The following TMEM135 variants were observed in gnomAD, a reference collection of about 807,000 sequenced individuals.
The protein encoded by TMEM135 is peroxisomal membrane protein 52.
Under a neutral mutation model 60.3 loss-of-function variants are expected in TMEM135, and 30 were observed. That is an observed-to-expected ratio of 0.50 (90% CI 0.37 to 0.68). TMEM135 has a LOEUF of 0.68. TMEM135 is among the 30% of genes least tolerant of loss of function. The pLI, the probability that TMEM135 is intolerant of heterozygous loss-of-function variation, is 0.00. For missense variants in TMEM135, 468 were observed against 548.8 expected, an observed-to-expected ratio of 0.85 and a Z score of 1.47; for synonymous variants, 190 against 186.7, an observed-to-expected ratio of 1.02 and a Z score of -0.14.
At chr11:87,055,517 TC>T (rs1949885423) in intron 1 of TMEM135, among the ~76,000 whole-genome samples, 1 of 152,238 alleles carries the variant, frequency 6.6e-6, no homozygotes, top group Admixed American at 6.5e-5. Flanking sequence ...TTGAATAACT[TC>T]TATTTGTCTT....
At chr11:87,203,912 G>A (rs1201980617) in intron 5 of TMEM135, among the ~76,000 whole-genome samples, 1 of 152,098 alleles carries the variant, frequency 6.6e-6, no homozygotes, top group Non-Finnish European at 1.5e-5. Flanking sequence ...TAATAAGTGT[G>A]TATTGGTATC....
chr11:87,128,862 TTGAA>T (rs1188001345), intron 4 of TMEM135, among the ~76,000 whole-genome samples: 1 of 151,602 alleles, frequency 6.6e-6, no homozygotes, highest in Admixed American at 6.6e-5. Context: ...CCCTTAGTAG[TTGAA>T]TGAATAAGTA....
chr11:87,176,818 T>C (rs979763672), intron 5 of TMEM135, among the ~76,000 whole-genome samples: 9 of 152,086 alleles, frequency 5.9e-5, no homozygotes, highest in African/African-American at 2.2e-4. Flanking sequence ...ATTTTACACA[T>C]GTATACCTCT....
intron 5 of TMEM135, among the ~76,000 whole-genome samples, chr11:87,185,302 G>C (rs1939622248): frequency 6.6e-6 from 1 of 152,214 alleles, no homozygotes; most frequent in South Asian, 2.1e-4. Flanking sequence ...ATATGTTCCA[G>C]TTAGTTAAGA....
At chr11:87,148,915 CT>C (rs1938482279) in intron 4 of TMEM135, among the ~76,000 whole-genome samples, 1 of 152,002 alleles carries the variant, frequency 6.6e-6, no homozygotes, top group African/African-American at 2.4e-5. Context: ...TGTTATAAAT[CT>C]TTCAATGAAT....
chr11:87,044,212 T>C (rs1330971890), intron 1 of TMEM135, among the ~76,000 whole-genome samples: 1 of 152,050 alleles, frequency 6.6e-6, no homozygotes, highest in Non-Finnish European at 1.5e-5. Flanking sequence ...AGTTGAAATT[T>C]CTAGGAATAA....
intron 4 of TMEM135, among the ~76,000 whole-genome samples, chr11:87,134,352 C>A (rs1938027120): frequency 6.6e-6 from 1 of 152,170 alleles, no homozygotes; most frequent in Non-Finnish European, 1.5e-5. Flanking sequence ...GATCATATCT[C>A]CAAATACAGT....
chr11:87,292,704 A>G (rs1239069617), intron 6 of TMEM135, among the ~76,000 whole-genome samples: 2 of 152,204 alleles, frequency 1.3e-5, no homozygotes, highest in African/African-American at 4.8e-5. Flanking sequence ...TAGACATCTG[A>G]CCCTCAATTA....
chr11:87,293,866 G>A (rs999259565), intron 6 of TMEM135, among the ~76,000 whole-genome samples: 3 of 152,124 alleles, frequency 2.0e-5, no homozygotes, highest in Non-Finnish European at 2.9e-5. Context: ...TATTCCTTTG[G>A]GTATATACCC....
At position 87,324,060 on chromosome 11, in the gene TMEM135, G is replaced by A. The variant is rs1308425861; in HGVS notation, c.*2727G>A. ...TAGACTGAACATGTATGTTTTTGAT[G>A]GAATCCAAACTGAGCAAATGTCACA... is the stretch of plus-strand genomic sequence containing the variant. On this transcript the variant is annotated 3_prime_UTR_variant, in exon 15 of 15. Transcript: ENST00000305494. 2.9e-5 allele frequency: 13 copies of A among 453,736 alleles called. No individual in the cohort carries two copies. The highest frequency in any genetic ancestry group is 2.4e-4 in the Admixed American group (10 of 42,516). 28.1% of individuals were successfully genotyped at this position (453,736 alleles called of 1,614,324 possible).
intron 1 of TMEM135, among the ~76,000 whole-genome samples, chr11:87,058,634 A>G (rs10898588): frequency 0.098 from 14,884 of 151,486 alleles, 819 homozygotes; most frequent in East Asian, 0.17. Flanking sequence ...ATTTTATTTT[A>G]TTTTTGACAG....
intron 6 of TMEM135, among the ~76,000 whole-genome samples, chr11:87,280,386 C>G (rs567987790): frequency 1.3e-5 from 2 of 152,106 alleles, no homozygotes; most frequent in African/African-American, 4.8e-5. Flanking sequence ...AGTTCAAATT[C>G]GTTTTTGGCA....
intron 4 of TMEM135, among the ~76,000 whole-genome samples, chr11:87,116,584 A>G (rs1470028937): frequency 2.0e-5 from 3 of 151,864 alleles, no homozygotes; most frequent in Non-Finnish European, 4.4e-5. Flanking sequence ...ATTGATTAAT[A>G]TCTATTAAGA....
rs1458759390 is a variant in TMEM135, at chr11:87,040,415, T to G, written c.141+2229T>G. Among the ~76,000 whole-genome samples, 6 of 152,278 alleles carry G rather than the reference T, an allele frequency of 3.9e-5. No individual in the cohort carries two copies. In the East Asian group the frequency reaches 1.2e-3, roughly 29 times the overall value. On this transcript the variant is annotated intron_variant, in intron 1 of 14. Coordinates refer to ENST00000305494, the MANE Select transcript of TMEM135 (RefSeq NM_022918.4). ...GGCTCACGCCCATAATCCCAGCTCT[T>G]TGGGAGGCCGAGGTGTGTGGATCAC...
intron 4 of TMEM135, among the ~76,000 whole-genome samples, chr11:87,129,260 T>TTTTTTTTTTTG (rs1937834550): frequency 1.4e-5 from 1 of 70,132 alleles, no homozygotes; most frequent in African/African-American, 5.3e-5. Context: ...TTTTTTTTTT[T>TTTTTTTTTTTG]GAGACGGAGT....
intron 6 of TMEM135, among the ~76,000 whole-genome samples, chr11:87,274,488 G>T (rs1941930945): frequency 6.6e-6 from 1 of 152,036 alleles, no homozygotes; most frequent in Non-Finnish European, 1.5e-5. Context: ...TCCTTTCTGA[G>T]ATTCTTTTTC....
chr11:87,323,593 T>C lies in TMEM135; in HGVS notation c.*2260T>C. 2.2e-6 allele frequency: 1 copy of C among 453,784 alleles called. No individual in the cohort carries two copies. The highest frequency in any genetic ancestry group is 1.6e-5 in the South Asian group (1 of 64,328). 28.1% of individuals were successfully genotyped at this position (453,784 alleles called of 1,614,324 possible). The stretch of plus-strand genomic sequence containing the variant: ...AAGTTTTCACTGGAACTGATTACAG[T>C]AAACAATAATATGTCCCCTTAGTCT... On this transcript the variant is annotated 3_prime_UTR_variant, in exon 15 of 15. Transcript: ENST00000305494.
At chr11:87,105,386 T>A (rs997817331) in intron 4 of TMEM135, among the ~76,000 whole-genome samples, 1 of 152,176 alleles carries the variant, frequency 6.6e-6, no homozygotes, top group East Asian at 1.9e-4. Context: ...CTAGGTTGCA[T>A]GCTTCTTATG....
chr11:87,219,696 A>C (rs1218122602), intron 5 of TMEM135, among the ~76,000 whole-genome samples: 1 of 152,130 alleles, frequency 6.6e-6, no homozygotes. Flanking sequence ...GCTTTAACAT[A>C]TGAATTTTTG....
Sources: gnomAD v4.1 joint callset for allele counts (sites outside exome capture counted in the v4.1 genomes callset) on GRCh38, gnomAD v4.1.1 for gene constraint, MANE v1.5 for transcripts, NCBI Gene and HGNC (gene_info 2026-07-23, HGNC 2026-07-21) for gene names.